Variants in KCNIP3 observed in about 807,000 individuals in gnomAD.
KCNIP3 encodes calsenilin.
A neutral mutation model predicts 35.0 loss-of-function variants in KCNIP3; 28 were observed. The ratio of observed to expected loss-of-function variants is 0.80; its 90% CI spans 0.59 to 1.10. KCNIP3 has a LOEUF of 1.10. Among genes scored for constraint, KCNIP3 ranks in the 50% least tolerant of loss-of-function variants. KCNIP3 has a pLI of 0.00. For missense variants in KCNIP3, 295 were observed against 338.4 expected, an observed-to-expected ratio of 0.87 and a Z score of 1.01; for synonymous variants, 134 against 133.8, an observed-to-expected ratio of 1.00 and a Z score of -0.01.
In KCNIP3 at chr2:95,381,627, G is replaced by T; in HGVS notation, c.479G>T (p.Arg160Leu). 6.2e-7 allele frequency: 1 copy of T among 1,614,030 alleles called. No individual in the cohort carries two copies. The highest frequency in any genetic ancestry group is 1.3e-5 in the African/African-American group (1 of 75,016). The change falls in exon 6 of 9, where the codon CGG becomes CTG. Residue 160 changes from arginine (R) to leucine (L), a missense_variant. Physicochemically the swap from Arg to Leu is moderately radical, Grantham distance 102 (BLOSUM62 -2). Transcript: ENST00000295225. ...GTGGTTGGCCTCTCCATCCTGCTGC[G>T]GGGCACAGTCCACGAGAAGCTCAAG... is the stretch of plus-strand genomic sequence containing the variant. Reference protein sequence around the residue: ...DFVVGLSILLRGTVHEKLKWA... With the variant: ...DFVVGLSILLLGTVHEKLKWA...
chr2:95,339,648 C>A (rs1679144843), intron 2 of KCNIP3, among the ~76,000 whole-genome samples: 1 of 151,792 alleles, frequency 6.6e-6, no homozygotes, highest in African/African-American at 2.4e-5. Context: ...ATAGTGAGAC[C>A]CCCAAAACCC....
At position 95,384,385 on chromosome 2, in the gene KCNIP3, G is replaced by A; in HGVS notation, c.*336G>A. On this transcript the variant is annotated 3_prime_UTR_variant, in exon 9 of 9. Coordinates refer to ENST00000295225, the MANE Select transcript of KCNIP3 (RefSeq NM_013434.5). ...AGCTGCTGGATGTCACCAAGAAGGG[G>A]CTCGAGTGCCCCTGCAGGGGAGGGT... 2.6e-6 allele frequency: 1 copy of A among 378,868 alleles called. No individual in the cohort carries two copies. The highest frequency in any genetic ancestry group is 4.9e-6 in the Non-Finnish European group (1 of 205,752). The allele number at this position is 378,868 out of a possible 1,614,324, so 23.5% of individuals were successfully genotyped here.
At chr2:95,330,454 C>A (rs1390725121) in intron 2 of KCNIP3, among the ~76,000 whole-genome samples, 3 of 152,284 alleles carry the variant, frequency 2.0e-5, no homozygotes, top group African/African-American at 7.2e-5. Flanking sequence ...GGTGACCAGG[C>A]GCTCCCAAGA....
At chr2:95,363,923 C>T (rs947970170) in intron 2 of KCNIP3, among the ~76,000 whole-genome samples, 2 of 152,186 alleles carry the variant, frequency 1.3e-5, no homozygotes, top group Non-Finnish European at 2.9e-5. Flanking sequence ...ACTCTCCTGT[C>T]TGTTGATTCT....
intron 1 of KCNIP3, among the ~76,000 whole-genome samples, chr2:95,309,716 G>A (rs1397174771): frequency 2.0e-5 from 3 of 152,088 alleles, no homozygotes; most frequent in East Asian, 1.9e-4. Context: ...GAACCACCAC[G>A]CCCGGCTGAT....
intron 5 of KCNIP3, among the ~76,000 whole-genome samples, chr2:95,380,605 G>A (rs951227186): frequency 6.6e-6 from 1 of 152,198 alleles, no homozygotes; most frequent in Admixed American, 6.5e-5. Context: ...TAACAAAACA[G>A]TTGAAGTTGT....
intron 2 of KCNIP3, among the ~76,000 whole-genome samples, chr2:95,362,189 C>A (rs1679814640): frequency 6.6e-6 from 1 of 151,888 alleles, no homozygotes; most frequent in African/African-American, 2.4e-5. Flanking sequence ...TCACTGCAAG[C>A]TCCGCCTCCT....
chr2:95,343,733 A>G (rs1679274926), intron 2 of KCNIP3, among the ~76,000 whole-genome samples: 1 of 152,138 alleles, frequency 6.6e-6, no homozygotes, highest in South Asian at 2.1e-4. Flanking sequence ...AGTGTGGCCC[A>G]GGCAGGTGTG....
intron 2 of KCNIP3, among the ~76,000 whole-genome samples, chr2:95,373,145 A>C (rs1680079306): frequency 6.6e-6 from 1 of 152,164 alleles, no homozygotes; most frequent in African/African-American, 2.4e-5. Context: ...TGTGTGGCCC[A>C]GGGGAGACAG....
chr2:95,326,094 TACAC>T (rs755351477), intron 2 of KCNIP3, among the ~76,000 whole-genome samples: 1 of 58,642 alleles, frequency 1.7e-5, no homozygotes, highest in South Asian at 4.3e-4. Flanking sequence ...CATATACACA[TACAC>T]ACATATACAC....
At position 95,382,190 on chromosome 2, in the gene KCNIP3, G is replaced by T. The variant is rs1022873015; in HGVS notation, c.556-187G>T. Among the ~76,000 whole-genome samples, 2 of 152,336 alleles carry T rather than the reference G, an allele frequency of 1.3e-5. No individual in the cohort carries two copies. The highest frequency in any genetic ancestry group is 1.9e-4 in the East Asian group (1 of 5,170). On this transcript the variant is annotated intron_variant, in intron 6 of 8. Coordinates refer to ENST00000295225, the MANE Select transcript of KCNIP3 (RefSeq NM_013434.5). The surrounding 1 kb of genome is among the most constrained non-coding windows in gnomAD (Gnocchi z 4.5). ...CATCTCCCACTTCTCTGGGAGATGAGCTTCCCCTAGAGTCAGAAGCTCGCT... is the reference window on the plus strand; with the variant it reads ...CATCTCCCACTTCTCTGGGAGATGATCTTCCCCTAGAGTCAGAAGCTCGCT...
chr2:95,305,950 A>G (rs1227148083), intron 1 of KCNIP3, among the ~76,000 whole-genome samples: 1 of 152,198 alleles, frequency 6.6e-6, no homozygotes, highest in Non-Finnish European at 1.5e-5. Context: ...GCTGCCATGA[A>G]CATTTGTGTA....
intron 1 of KCNIP3, among the ~76,000 whole-genome samples, chr2:95,305,796 G>T (rs1440127760): frequency 6.6e-6 from 1 of 152,198 alleles, no homozygotes. Context: ...ATTCTCTGGA[G>T]GTTCACGCAG....
intron 2 of KCNIP3, among the ~76,000 whole-genome samples, chr2:95,322,020 G>T (rs1678609204): frequency 6.6e-6 from 1 of 152,134 alleles, no homozygotes; most frequent in African/African-American, 2.4e-5. Flanking sequence ...GAAGCAAATT[G>T]CTTCTAACCT....
At chr2:95,329,589 G>A (rs1051032281) in intron 2 of KCNIP3, among the ~76,000 whole-genome samples, 4 of 152,222 alleles carry the variant, frequency 2.6e-5, no homozygotes, top group Admixed American at 1.3e-4. Context: ...CACCTGCACC[G>A]CTGGGGCTCC....
At chr2:95,316,394 C>T (rs1678462439) in intron 2 of KCNIP3, among the ~76,000 whole-genome samples, 1 of 152,224 alleles carries the variant, frequency 6.6e-6, no homozygotes, top group Non-Finnish European at 1.5e-5. Context: ...CTTGCCTGAA[C>T]TTGCATATAA....
In KCNIP3 at chr2:95,382,298, C is replaced by A. The variant is rs1374697482; in HGVS notation, c.556-79C>A. 2 of 906,142 alleles carry A rather than the reference C, an allele frequency of 2.2e-6. No individual in the cohort carries two copies. Among genetic ancestry groups the A allele is most frequent in the Non-Finnish European group, 3.3e-6 (2 of 606,184 alleles). The allele number at this position is 906,142 out of a possible 1,614,324, so 56.1% of individuals were successfully genotyped here. The stretch of plus-strand genomic sequence containing the variant: ...CACTGCCTTGGAGGTGCCCTGCACC[C>A]TTGGATGCCGCCCGCTCCCTTTGGG... On this transcript the variant is annotated intron_variant, in intron 6 of 8. Transcript: ENST00000295225. The surrounding 1 kb of genome is among the most constrained non-coding windows in gnomAD (Gnocchi z 4.5).
chr2:95,318,057 CAG>C (rs1253156528), intron 2 of KCNIP3, among the ~76,000 whole-genome samples: 4 of 117,772 alleles, frequency 3.4e-5, no homozygotes, highest in Non-Finnish European at 1.7e-5. Context: ...GTAGGGGTGA[CAG>C]GGGGCAGGGG....
rs762721127 is a variant in KCNIP3, at chr2:95,382,333, C to A, written c.556-44C>A. The A allele has an allele frequency of 1.0e-5, 14 of 1,393,630 alleles. No individual in the cohort carries two copies. The highest frequency in any genetic ancestry group is 8.6e-5 in the African/African-American group (6 of 69,432). The allele number at this position is 1,393,630 out of a possible 1,614,324, so 86.3% of individuals were successfully genotyped here. A position where few individuals can be genotyped will look rare whatever the true frequency, so the allele number is the denominator to read the frequency against. On this transcript the variant is annotated intron_variant, in intron 6 of 8. Coordinates refer to ENST00000295225, the MANE Select transcript of KCNIP3 (RefSeq NM_013434.5). This position sits in a 1 kb window ranked among gnomAD's most constrained non-coding sequence, Gnocchi z 4.5. ...GCCCGCTCCCTTTGGGCCCTCACAG[C>A]CACCCCGGCCTTGCAGCAGGCTCAT... is the stretch of plus-strand genomic sequence containing the variant.
Sources: gnomAD v4.1 joint callset for allele counts (sites outside exome capture counted in the v4.1 genomes callset) on GRCh38, gnomAD v4.1.1 for gene constraint, Gnocchi (gnomAD v3.1) non-coding constraint, MANE v1.5 for transcripts, NCBI Gene and HGNC (gene_info 2026-07-23, HGNC 2026-07-21) for gene names.